The following PAG1 variants were observed in gnomAD, a reference collection of about 807,000 sequenced individuals.
PAG1 encodes phosphoprotein membrane anchor with glycosphingolipid microdomains 1, also known as phosphoprotein associated with glycosphingolipid-enriched microdomains 1.
A neutral mutation model predicts 31.7 loss-of-function variants in PAG1; 23 were observed. That is an observed-to-expected ratio of 0.73 (90% confidence interval 0.52 to 1.03). PAG1 has a LOEUF of 1.03. PAG1 is among the 50% of genes least tolerant of loss of function. The probability of loss-of-function intolerance (pLI) is 0.00; values close to 1 mark genes in which losing one functional copy is unlikely to be tolerated. For synonymous variants in PAG1, 214 were observed against 210.3 expected, an observed-to-expected ratio of 1.02 and a Z score of -0.15; for missense variants, 473 against 540.7, an observed-to-expected ratio of 0.87 and a Z score of 1.24.
intron 1 of PAG1, among the ~76,000 whole-genome samples, chr8:81,072,537 T>G (rs911321979): frequency 1.3e-5 from 2 of 152,178 alleles, no homozygotes; most frequent in African/African-American, 4.8e-5. Flanking sequence ...AAATGAATGA[T>G]GACTTATTAA....
At chr8:81,103,560 G>A (rs916785484) in intron 1 of PAG1, among the ~76,000 whole-genome samples, 2 of 151,990 alleles carry the variant, frequency 1.3e-5, no homozygotes, top group South Asian at 2.1e-4. Flanking sequence ...TAAAACATAC[G>A]GTAATTATTT....
At chr8:81,064,842 C>T (rs1452523803) in intron 2 of PAG1, among the ~76,000 whole-genome samples, 1 of 152,222 alleles carries the variant, frequency 6.6e-6, no homozygotes, top group Non-Finnish European at 1.5e-5. Flanking sequence ...ATCTCCATGC[C>T]TGAGGCTGAT....
chr8:81,072,726 C>T (rs1288884436), intron 1 of PAG1, among the ~76,000 whole-genome samples: 1 of 152,104 alleles, frequency 6.6e-6, no homozygotes, highest in East Asian at 1.9e-4. Context: ...TACTCACATA[C>T]TCTCATATTT....
At chr8:81,035,323 G>T (rs1004922279) in intron 2 of PAG1, among the ~76,000 whole-genome samples, 3 of 152,122 alleles carry the variant, frequency 2.0e-5, no homozygotes, top group Non-Finnish European at 4.4e-5. Flanking sequence ...AACTTGGAAG[G>T]CCAAGGAGTA....
intron 3 of PAG1, among the ~76,000 whole-genome samples, chr8:80,994,556 C>T (rs1464444716): frequency 1.3e-5 from 2 of 152,182 alleles, no homozygotes; most frequent in African/African-American, 2.4e-5. Context: ...CTGAGTGTCA[C>T]AGGAGCTAAG....
intron 1 of PAG1, among the ~76,000 whole-genome samples, chr8:81,094,706 A>G (rs1297780670): frequency 2.6e-5 from 4 of 152,246 alleles, no homozygotes; most frequent in African/African-American, 9.6e-5. Flanking sequence ...AAAGCTAGCA[A>G]AAATGAACAC....
chr8:81,003,550 G>A (rs939080314), intron 3 of PAG1, among the ~76,000 whole-genome samples: 3 of 152,138 alleles, frequency 2.0e-5, no homozygotes, highest in African/African-American at 7.2e-5. Flanking sequence ...CAGTGATCGG[G>A]TACATTGCTG....
At chr8:81,098,410 T>C (rs1164796989) in intron 1 of PAG1, among the ~76,000 whole-genome samples, 2 of 152,234 alleles carry the variant, frequency 1.3e-5, no homozygotes, top group Non-Finnish European at 2.9e-5. Flanking sequence ...TCTTGAACTC[T>C]AAATATCTTT....
chr8:80,993,918 T>C (rs1268320978), intron 3 of PAG1, among the ~76,000 whole-genome samples: 1 of 152,202 alleles, frequency 6.6e-6, no homozygotes, highest in Non-Finnish European at 1.5e-5. Context: ...GGATTCTTAA[T>C]GTCTTCAAAT....
At chr8:81,081,910 G>A (rs1043218089) in intron 1 of PAG1, among the ~76,000 whole-genome samples, 2 of 152,168 alleles carry the variant, frequency 1.3e-5, no homozygotes, top group African/African-American at 4.8e-5. Context: ...TTGTGAGAAT[G>A]TGACTTTATT....
chr8:81,031,542 A>G (rs1378912693), intron 2 of PAG1, among the ~76,000 whole-genome samples: 1 of 152,264 alleles, frequency 6.6e-6, no homozygotes, highest in African/African-American at 2.4e-5. Context: ...CTCCTGAATT[A>G]GCCAGAAATA....
rs766595025 is a variant in PAG1 at position 80,987,486 on chromosome 8, C to CA, written c.178-21dup. 1.3e-6 allele frequency: 2 copies of CA among 1,567,338 alleles called. No homozygotes were observed. Among genetic ancestry groups the CA allele is most frequent in the South Asian group, 2.2e-5 (2 of 90,140 alleles). On this transcript the variant is annotated intron_variant, in intron 5 of 8. Coordinates refer to ENST00000220597, the MANE Select transcript of PAG1 (RefSeq NM_018440.4). ...TGAAGGCTGAAAACAAAAACAAAAA[C>CA]AAAAACAAATGCATCACATTGCTAA...
At chr8:80,992,579 T>A (rs1807574400) in intron 4 of PAG1, among the ~76,000 whole-genome samples, 1 of 152,118 alleles carries the variant, frequency 6.6e-6, no homozygotes, top group African/African-American at 2.4e-5. Context: ...GAGAGAGAAG[T>A]ATAACTCTAA....
At chr8:81,041,020 T>A (rs1808545554) in intron 2 of PAG1, among the ~76,000 whole-genome samples, 1 of 152,172 alleles carries the variant, frequency 6.6e-6, no homozygotes, top group African/African-American at 2.4e-5. Context: ...TGGCCGCATC[T>A]TTGCATGGAA....
intron 1 of PAG1, among the ~76,000 whole-genome samples, chr8:81,100,043 T>C (rs1360009657): frequency 6.6e-6 from 1 of 152,214 alleles, no homozygotes; most frequent in Non-Finnish European, 1.5e-5. Flanking sequence ...AGAAATTCTT[T>C]ACCCACAAAT....
intron 2 of PAG1, among the ~76,000 whole-genome samples, chr8:81,043,757 C>T (rs1235883679): frequency 6.6e-6 from 1 of 152,156 alleles, no homozygotes; most frequent in Non-Finnish European, 1.5e-5. Context: ...TCATTTTATT[C>T]TCCTGCTCCT....
intron 1 of PAG1, among the ~76,000 whole-genome samples, chr8:81,079,510 C>A (rs982341528): frequency 6.6e-6 from 1 of 152,040 alleles, no homozygotes; most frequent in Non-Finnish European, 1.5e-5. Flanking sequence ...ACTTATTAAC[C>A]CTTCCCTCAT....
rs1807396172 is a variant in PAG1 at position 80,985,317 on chromosome 8, G to A, written c.335C>T (p.Ala112Val). The change falls in exon 7 of 9, where the codon GCC (alanine) becomes GTC (valine). Residue 112 changes from alanine (A) to valine (V), a missense_variant. Ala to Val is a moderately conservative substitution (Grantham distance 64). Transcript: ENST00000220597. ...GTCCTGGGAATCCAGCAGATCCGAG[G>A]CCGATGTCTGGACTTCCTCGTAATG... ...MQHYEEVQTS[A>V]SDLLDSQDST... is the part of the protein sequence containing the mutation. 1.2e-6 allele frequency: 2 copies of A among 1,614,088 alleles called. No individual in the cohort carries two copies. The highest frequency in any genetic ancestry group is 8.5e-7 in the Non-Finnish European group (1 of 1,179,966).
intron 3 of PAG1, among the ~76,000 whole-genome samples, chr8:81,018,015 C>T (rs1455292820): frequency 1.3e-5 from 2 of 152,146 alleles, no homozygotes; most frequent in African/African-American, 2.4e-5. Context: ...TGAAATACTA[C>T]AGCTGGAAAA....
Sources: allele counts gnomAD v4.1 joint callset (sites outside exome capture counted in the v4.1 genomes callset), GRCh38; gene constraint gnomAD v4.1.1; transcripts MANE v1.5; gene names NCBI Gene and HGNC (gene_info 2026-07-23, HGNC 2026-07-21).